The following CFAP92 variants were observed in gnomAD, a reference collection of about 807,000 sequenced individuals.
CFAP92 encodes uncharacterized protein CFAP92.
CFAP92 carries 86 observed loss-of-function variants against 106.3 expected under a neutral mutation model. The observed-to-expected ratio is 0.81, with a 90% confidence interval of 0.68 to 0.97. The LOEUF is 0.97. Among genes scored for constraint, CFAP92 ranks in the 50% least tolerant of loss-of-function variants. CFAP92 has a pLI of 0.00. For synonymous variants in CFAP92, 477 were observed against 506.4 expected (o/e 0.94, Z 0.78); for missense variants, 1,204 against 1,283.8 (o/e 0.94, Z 0.95).
At chr3:128,924,897 CTTCT>C (rs1453208376) in intron 12 of CFAP92, among the ~76,000 whole-genome samples, 2 of 152,312 alleles carry the variant, frequency 1.3e-5, no homozygotes, top group South Asian at 2.1e-4. Flanking sequence ...TCACCACCTG[CTTCT>C]TTGTTTGATC....
intron 12 of CFAP92, among the ~76,000 whole-genome samples, chr3:128,927,713 G>C (rs1279894599): frequency 7.2e-6 from 1 of 139,484 alleles, no homozygotes. Flanking sequence ...GACTGAGCAA[G>C]ACTCTGTCTC....
At chr3:128,921,536 A>G (rs945994077) in intron 12 of CFAP92, among the ~76,000 whole-genome samples, 7 of 152,208 alleles carry the variant, frequency 4.6e-5, no homozygotes, top group African/African-American at 1.7e-4. Flanking sequence ...CTATGGCTGG[A>G]TTGAAAGTAG....
At chr3:128,995,479 C>T (rs874755), upstream of CFAP92, among the ~76,000 whole-genome samples, 841 of 152,330 alleles carry the variant, frequency 5.5e-3, 1 homozygote, top group Non-Finnish European at 9.3e-3. Context: ...TCAGGAGACA[C>T]ATGAAGGGCT....
chr3:129,021,188 G>A, the CFAP92 span, among the ~76,000 whole-genome samples: 1 of 152,182 alleles, frequency 6.6e-6, no homozygotes, highest in African/African-American at 2.4e-5. Flanking sequence ...GTGTCCTGCT[G>A]GACATTTATG....
chr3:128,951,391 A>G (rs1940787936), intron 9 of CFAP92, among the ~76,000 whole-genome samples: 1 of 152,188 alleles, frequency 6.6e-6, no homozygotes, highest in Non-Finnish European at 1.5e-5. Flanking sequence ...TGGCCCACTG[A>G]ATCCCCAGCT....
rs1407977294 is a variant in CFAP92 at position 128,979,945 on chromosome 3, A to AT, written c.668-1761dup. On this transcript the variant is annotated intron_variant, in intron 4 of 15. Transcript: ENST00000645291. ...CATGTACCCTAAAACTTAAAGTATA[A>AT]TAATATATATATATATATATATATA... is the stretch of plus-strand genomic sequence containing the variant. 4.8e-4 allele frequency among the ~76,000 whole-genome samples: 36 copies of AT among 74,332 alleles called. 1 individual carries two copies. Among genetic ancestry groups the AT allele is most frequent in the African/African-American group, 1.5e-3 (29 of 19,034 alleles). 48.8% of individuals were successfully genotyped at this position (74,332 alleles called of 152,430 possible).
chr3:128,934,642 T>G (rs1286786944), intron 11 of CFAP92, among the ~76,000 whole-genome samples: 1 of 152,170 alleles, frequency 6.6e-6, no homozygotes, highest in Non-Finnish European at 1.5e-5. Flanking sequence ...GAGATTCTCC[T>G]GCCTCAGTCT....
intron 9 of CFAP92, among the ~76,000 whole-genome samples, chr3:128,962,854 C>A (rs1310388318): frequency 1.3e-5 from 2 of 152,310 alleles, no homozygotes; most frequent in Admixed American, 6.5e-5. Flanking sequence ...CCTTATCAAC[C>A]AAATTGTTTT....
Position 128,935,199 on chromosome 3 carries a change from C to T in CFAP92, c.2379G>A (p.Thr793=), listed in dbSNP as rs1207112052. 17 of 1,535,954 alleles carry T rather than the reference C, an allele frequency of 1.1e-5. No individual in the cohort carries two copies. In the East Asian group the frequency reaches 2.0e-4, roughly 18 times the overall value. The change falls in exon 11 of 16, where the codon ACG becomes ACA. Residue 793 remains threonine, a synonymous_variant. Transcript: ENST00000645291. ...ILYHVHLFQP[T]ELLLQQAVFF... ...ACACCGCCTGCTGCAGCAGCAGCTC[C>T]GTGGGCTGGAAGAGGTGCACGTGGT...
chr3:128,925,936 G>A (rs1937612865), intron 12 of CFAP92, among the ~76,000 whole-genome samples: 1 of 152,020 alleles, frequency 6.6e-6, no homozygotes, highest in African/African-American at 2.4e-5. Context: ...CTAAACCCAG[G>A]AAAAATACCC....
chr3:128,933,625 T>G (rs1420382295), intron 11 of CFAP92, among the ~76,000 whole-genome samples: 2 of 152,236 alleles, frequency 1.3e-5, no homozygotes, highest in Non-Finnish European at 2.9e-5. Flanking sequence ...TGGCCCAGCC[T>G]TAGCCTTTCT....
Position 128,910,336 on chromosome 3 carries a change from G to A in CFAP92, c.3281-3C>T, listed in dbSNP as rs1335712884. The A allele has an allele frequency of 1.4e-6, 2 of 1,474,514 alleles. No individual in the cohort carries two copies. Among genetic ancestry groups the A allele is most frequent in the Non-Finnish European group, 9.0e-7 (1 of 1,115,256 alleles). 91.3% of individuals were successfully genotyped at this position (1,474,514 alleles called of 1,614,324 possible). On this transcript the variant is annotated splice_polypyrimidine_tract_variant and splice_region_variant and intron_variant, in intron 15 of 15. Coordinates refer to ENST00000645291, the MANE Select transcript of CFAP92 (RefSeq NM_001394090.1). ...GCTGTTCCCTTTCTTCTTCCTGACT[G>A]AGAGAAGAGGGGGTGAGTGACAGGG...
intron 9 of CFAP92, among the ~76,000 whole-genome samples, chr3:128,954,896 G>A (rs1301572475): frequency 6.3e-5 from 1 of 15,864 alleles, no homozygotes; most frequent in Non-Finnish European, 9.3e-5. Flanking sequence ...CCGGCCAGCC[G>A]CCCCGTCCGG....
At chr3:128,990,111 A>C (rs1199800529) in intron 2 of CFAP92, among the ~76,000 whole-genome samples, 1 of 152,266 alleles carries the variant, frequency 6.6e-6, no homozygotes, top group Non-Finnish European at 1.5e-5. Flanking sequence ...GAAACAACTC[A>C]AATATCCACC....
intron 9 of CFAP92, among the ~76,000 whole-genome samples, chr3:128,959,150 T>C (rs1941673067): frequency 1.3e-5 from 2 of 152,150 alleles, no homozygotes; most frequent in South Asian, 2.1e-4. Context: ...GTGGAGGTTG[T>C]GGTGAGCTGA....
At position 129,001,615 on chromosome 3, in the gene CFAP92, C is replaced by T. The variant is rs1358863383; in HGVS notation, n.117+959G>A. ...CGGAGGAGGGACCGGAGGAGCGAGGCGCGCGGCGCAGCGATGGAGCCGGTC... is the reference window on the plus strand; with the variant it reads ...CGGAGGAGGGACCGGAGGAGCGAGGTGCGCGGCGCAGCGATGGAGCCGGTC... On this transcript the variant is annotated intron_variant and non_coding_transcript_variant, in intron 1 of 4. Transcript: ENST00000510149. 4 of 1,355,126 alleles carry T rather than the reference C, an allele frequency of 3.0e-6. No individual in the cohort carries two copies. In the African/African-American group the frequency reaches 4.6e-5, roughly 16 times the overall value. The allele number at this position is 1,355,126 out of a possible 1,614,324, so 83.9% of individuals were successfully genotyped here.
intron 7 of CFAP92, among the ~76,000 whole-genome samples, chr3:128,975,416 TGGATGGATAG>T (rs1255485507): frequency 4.0e-5 from 6 of 149,106 alleles, no homozygotes; most frequent in Non-Finnish European, 8.9e-5. Flanking sequence ...TGGATGGAGA[TGGATGGATAG>T]GGATGGATGG....
Position 128,910,310 on chromosome 3 carries a change from G to T in CFAP92, c.3304C>A (p.Pro1102Thr). The T allele has an allele frequency of 6.7e-7, 1 of 1,486,974 alleles. No homozygotes were observed. Among genetic ancestry groups the T allele is most frequent in the Non-Finnish European group, 8.9e-7 (1 of 1,121,488 alleles). The allele number at this position is 1,486,974 out of a possible 1,614,324, so 92.1% of individuals were successfully genotyped here. ...AGGGTCTGTGCTGCTCAGGAGATGG[G>T]GCTGTTCCCTTTCTTCTTCCTGACT... ...VTVRKKKGNS[P>T]IS The change falls in exon 16 of 16, where the codon CCC becomes ACC. Residue 1102 changes from proline to threonine, a missense_variant. Pro to Thr is a conservative substitution (Grantham distance 38). Transcript: ENST00000645291.
chr3:128,911,045 G>GTGTATGTA (rs531719665), intron 15 of CFAP92, among the ~76,000 whole-genome samples: 1 of 152,164 alleles, frequency 6.6e-6, no homozygotes, highest in Non-Finnish European at 1.5e-5. Flanking sequence ...ATGTGTGTGT[G>GTGTATGTA]TGTATGTATG....
Sources: allele counts gnomAD v4.1 joint callset (sites outside exome capture counted in the v4.1 genomes callset), GRCh38; gene constraint gnomAD v4.1.1; transcripts MANE v1.5; gene names NCBI Gene and HGNC (gene_info 2026-07-23, HGNC 2026-07-21).